SLC35A3: variants seen among roughly 807,000 people sequenced by gnomAD.
The protein encoded by SLC35A3 is solute carrier family 35 member A3.
SLC35A3 carries 26 observed loss-of-function variants against 39.0 expected under a neutral mutation model. The observed-to-expected ratio is 0.67, with a 90% CI of 0.49 to 0.92. The LOEUF (loss-of-function observed/expected upper bound fraction) is 0.92, where lower values mean the gene tolerates loss of function less well. SLC35A3 is among the 40% of genes least tolerant of loss of function. The probability of loss-of-function intolerance (pLI) is 0.00; values close to 1 mark genes in which losing one functional copy is unlikely to be tolerated. For synonymous variants in SLC35A3, 135 were observed against 133.1 expected, an observed-to-expected ratio of 1.01 and a Z score of -0.10; for missense variants, 299 against 371.6, an observed-to-expected ratio of 0.80 and a Z score of 1.61.
At position 99,999,294 on chromosome 1, in the gene SLC35A3, A is replaced by G; in HGVS notation, c.221A>G (p.His74Arg). Residue 74 changes from histidine to arginine, a missense_variant, in exon 3 of 8, where the codon CAT (histidine) becomes CGT (arginine). His to Arg is a conservative substitution (Grantham distance 29). Coordinates refer to ENST00000533028, the MANE Select transcript of SLC35A3 (RefSeq NM_012243.3). ...CTAAGAGCACTGAATCGAGTACTAC[A>G]TGATGAAATTCTTAATAAACCTATG... is the stretch of plus-strand genomic sequence containing the variant. Reference protein sequence around the residue: ...CSLRALNRVLHDEILNKPMET... With the variant: ...CSLRALNRVLRDEILNKPMET... 1.3e-6 allele frequency: 2 copies of G among 1,587,644 alleles called. No individual in the cohort carries two copies. The highest frequency in any genetic ancestry group is 1.7e-6 in the Non-Finnish European group (2 of 1,167,928).
chr1:100,030,458 C>G lies in SLC35A3; in HGVS notation c.*7982C>G, dbSNP rs1661161055. On this transcript the variant is annotated 3_prime_UTR_variant, in exon 8 of 8. Transcript: ENST00000533028. ...GGCTCAACACAAATTTGTAAACTTT[C>G]TTAAAACAGTATGAGATTTTTTTGC... 6.6e-6 allele frequency: 1 copy of G among 152,204 alleles called. No individual in the cohort carries two copies. The highest frequency in any genetic ancestry group is 1.9e-4 in the East Asian group (1 of 5,192). The allele number at this position is 152,204 out of a possible 1,614,324, so 9.4% of individuals were successfully genotyped here.
At chr1:99,996,462 T>C (rs1658404322) in intron 2 of SLC35A3, among the ~76,000 whole-genome samples, 1 of 152,162 alleles carries the variant, frequency 6.6e-6, no homozygotes, top group Non-Finnish European at 1.5e-5. Flanking sequence ...GATGCTCAAC[T>C]TCACTAGCAA....
chr1:99,993,075 T>G (rs1658182570), intron 1 of SLC35A3: 2 of 153,250 alleles, frequency 1.3e-5, no homozygotes, highest in East Asian at 1.9e-4. Flanking sequence ...GACTCTTGCC[T>G]TCTCAGGCCT....
chr1:100,009,743 T>C (rs970939967), intron 4 of SLC35A3, among the ~76,000 whole-genome samples: 3 of 152,162 alleles, frequency 2.0e-5, no homozygotes, highest in African/African-American at 7.2e-5. Flanking sequence ...ATAAATATCA[T>C]AGAGAATGGA....
At chr1:100,013,156 T>G (rs558664502) in intron 5 of SLC35A3, among the ~76,000 whole-genome samples, 4 of 152,306 alleles carry the variant, frequency 2.6e-5, no homozygotes, top group Middle Eastern at 6.8e-3. Context: ...TAATGTATAC[T>G]TTTTTAGTAA....
intron 4 of SLC35A3, chr1:100,009,567 TC>T (rs1322299114): frequency 6.6e-6 from 1 of 152,166 alleles, no homozygotes; most frequent in African/African-American, 2.4e-5. Context: ...ATCAGAGAAA[TC>T]CTATAGGCAT....
chr1:100,010,559 T>C (rs945472475), intron 4 of SLC35A3, among the ~76,000 whole-genome samples: 3 of 151,994 alleles, frequency 2.0e-5, no homozygotes, highest in African/African-American at 4.8e-5. Flanking sequence ...TGGGTGTGGT[T>C]GTGTGCACCT....
chr1:99,976,585 G>C (rs1294728108), intron 1 of SLC35A3, among the ~76,000 whole-genome samples: 1 of 152,148 alleles, frequency 6.6e-6, no homozygotes, highest in African/African-American at 2.4e-5. Context: ...TGGTGAACTG[G>C]ACATAAAACT....
In SLC35A3 at chr1:100,011,415, A is replaced by G. The variant is rs1282648211; in HGVS notation, c.516A>G (p.Gln172=). 6.3e-7 allele frequency: 1 copy of G among 1,576,996 alleles called. No homozygotes were observed. Among genetic ancestry groups the G allele is most frequent in the African/African-American group, 1.3e-5 (1 of 74,128 alleles). ...LDSKELSAGS[Q]FVGLMAVLTA... ...CTAAGGAACTTTCAGCTGGTTCTCA[A>G]TTTGTAGGACTCATGGCAGTTCTCA... Residue 172 remains glutamine, a synonymous_variant, in exon 5 of 8, where the codon CAA becomes CAG. Transcript: ENST00000533028.
At chr1:100,003,742 G>T (rs1185453871) in intron 3 of SLC35A3, among the ~76,000 whole-genome samples, 1 of 152,136 alleles carries the variant, frequency 6.6e-6, no homozygotes, top group Non-Finnish European at 1.5e-5. Context: ...AATTGTTACT[G>T]TATTGGAGTC....
At chr1:100,001,595 T>G (rs572599393) in intron 3 of SLC35A3, among the ~76,000 whole-genome samples, 5 of 152,290 alleles carry the variant, frequency 3.3e-5, no homozygotes, top group Non-Finnish European at 1.5e-5. Context: ...AAGAGTTTTT[T>G]TAATGGAATC....
intron 1 of SLC35A3, among the ~76,000 whole-genome samples, chr1:99,979,594 C>T (rs1276636554): frequency 2.2e-4 from 34 of 151,340 alleles, no homozygotes; most frequent in Admixed American, 2.6e-4. Flanking sequence ...CCACCACGCC[C>T]GGCTAATTTT....
In SLC35A3 at chr1:100,031,866, T is replaced by C. The variant is rs1269958368; in HGVS notation, c.*9390T>C. 6.6e-6 allele frequency: 1 copy of C among 152,212 alleles called. No homozygotes were observed. The highest frequency in any genetic ancestry group is 1.5e-5 in the Non-Finnish European group (1 of 68,068). The allele number at this position is 152,212 out of a possible 1,614,324, so 9.4% of individuals were successfully genotyped here. On this transcript the variant is annotated 3_prime_UTR_variant, in exon 8 of 8. Coordinates refer to ENST00000533028, the MANE Select transcript of SLC35A3 (RefSeq NM_012243.3). ...CACCTGCCCCTCAATGGCTTTTTTA[T>C]ACCAAGAGACTGAAAATGCTACCTC...
intron 2 of SLC35A3, among the ~76,000 whole-genome samples, chr1:99,998,609 C>A (rs757726075): frequency 1.3e-5 from 2 of 152,150 alleles, no homozygotes; most frequent in South Asian, 2.1e-4. Flanking sequence ...AGGGTTGCCA[C>A]AAACTTTCAA....
chr1:99,984,820 T>G (rs187979266), intron 1 of SLC35A3, among the ~76,000 whole-genome samples: 11 of 152,354 alleles, frequency 7.2e-5, no homozygotes, highest in African/African-American at 2.4e-4. Context: ...TTGATTTGCA[T>G]TTCCCTGATA....
At chr1:99,996,112 T>G (rs1053937089) in intron 2 of SLC35A3, among the ~76,000 whole-genome samples, 7 of 152,176 alleles carry the variant, frequency 4.6e-5, no homozygotes, top group Admixed American at 4.6e-4. Flanking sequence ...TCCAGGTGGA[T>G]TAAAGATTGA....
chr1:100,000,773 A>C (rs971785514), intron 3 of SLC35A3: 1 of 152,090 alleles, frequency 6.6e-6, no homozygotes, highest in African/African-American at 2.4e-5. Context: ...ACAGCCATAA[A>C]ATCTGCCCTG....
chr1:100,018,620 C>T (rs1393394919), intron 7 of SLC35A3, among the ~76,000 whole-genome samples: 1 of 152,114 alleles, frequency 6.6e-6, no homozygotes, highest in African/African-American at 2.4e-5. Context: ...GCTTCAAACT[C>T]CTGGGCTCAA....
chr1:100,018,085 A>G (rs1038644854), intron 7 of SLC35A3, among the ~76,000 whole-genome samples: 8 of 152,242 alleles, frequency 5.3e-5, no homozygotes, highest in African/African-American at 9.6e-5. Flanking sequence ...AAAAAAGTTA[A>G]TAAGTCATAT....
Sources: gnomAD v4.1 joint callset for allele counts (sites outside exome capture counted in the v4.1 genomes callset) on GRCh38, gnomAD v4.1.1 for gene constraint, MANE v1.5 for transcripts, NCBI Gene and HGNC (gene_info 2026-07-23, HGNC 2026-07-21) for gene names.